Variants in CHD2 observed in about 807,000 individuals in gnomAD.
CHD2 encodes the protein ATP-dependent chromatin remodeler CHD2.
In CHD2, 28 loss-of-function variants were observed where a neutral mutation model predicts 243.9. The ratio of observed to expected loss-of-function variants is 0.11; its 90% confidence interval spans 0.09 to 0.16. The LOEUF (loss-of-function observed/expected upper bound fraction) is 0.16, where lower values mean the gene tolerates loss of function less well. Among genes scored for constraint, CHD2 ranks in the 10% least tolerant of loss-of-function variants. The pLI, the probability that CHD2 is intolerant of heterozygous loss-of-function variation, is 1.00. For missense variants in CHD2, 1,386 were observed against 2,209.8 expected, an observed-to-expected ratio of 0.63 and a Z score of 7.47; for synonymous variants, 775 against 779.0, an observed-to-expected ratio of 0.99 and a Z score of 0.09.
chr15:92,901,312 A>G lies in CHD2; in HGVS notation c.62+13A>G, dbSNP rs778561242. ...GCAATGCATCGAGGTATGAGCTATC[A>G]ACTTTCTTCCTTTTTGTCTTTTTTT... is the stretch of plus-strand genomic sequence containing the variant. On this transcript the variant is annotated intron_variant, in intron 2 of 38. Coordinates refer to ENST00000394196, the MANE Select transcript of CHD2 (RefSeq NM_001271.4). 2 of 1,578,156 alleles carry G rather than the reference A, an allele frequency of 1.3e-6. No homozygotes were observed. The highest frequency in any genetic ancestry group is 2.2e-5 in the East Asian group (1 of 44,482).
chr15:92,940,879 T>C (rs1179673899), intron 7 of CHD2, among the ~76,000 whole-genome samples: 1 of 93,286 alleles, frequency 1.1e-5, no homozygotes, highest in African/African-American at 3.2e-5. Flanking sequence ...AATATACATA[T>C]AAATATATAT....
intron 36 of CHD2, 44 bp downstream of exon 36, chr15:93,012,488 T>G: frequency 7.5e-7 from 1 of 1,337,778 alleles, no homozygotes; most frequent in Non-Finnish European, 1.0e-6. Flanking sequence ...CAAATACCAA[T>G]TCCACAGAAA....
intron 2 of CHD2, among the ~76,000 whole-genome samples, chr15:92,920,909 G>A (rs1262330244): frequency 6.6e-6 from 1 of 152,222 alleles, no homozygotes; most frequent in Non-Finnish European, 1.5e-5. Context: ...AGGTTGACAA[G>A]CGGCCAGATT....
At chr15:92,918,384 TTTG>T (rs1394015070) in intron 2 of CHD2, among the ~76,000 whole-genome samples, 2 of 152,236 alleles carry the variant, frequency 1.3e-5, no homozygotes, top group Non-Finnish European at 2.9e-5. Context: ...CTTTTAATTA[TTTG>T]TTAAGTAAAA....
rs2053393893 is a variant in CHD2, at chr15:92,942,273, T to C, written c.826+318T>C. Among the ~76,000 whole-genome samples the C allele has an allele frequency of 2.0e-5, 3 of 152,244 alleles. No homozygotes were observed. The South Asian group carries it at 6.2e-4, about 31-fold the overall frequency. Reference sequence around the variant, plus strand: ...TAAGCTCCTTGTGAAAATATCAAACTGGTTAAATAAATATTGTGGTAATAT... The same window carrying C: ...TAAGCTCCTTGTGAAAATATCAAACCGGTTAAATAAATATTGTGGTAATAT... On this transcript the variant is annotated intron_variant, in intron 8 of 38. Coordinates refer to ENST00000394196, the MANE Select transcript of CHD2 (RefSeq NM_001271.4).
chr15:92,927,117 A>G, intron 3 of CHD2, 127 bp from the exon 4 acceptor site: 1 of 683,890 alleles, frequency 1.5e-6, no homozygotes, highest in Non-Finnish European at 2.5e-6. Context: ...ATTGTCTCAT[A>G]AATAGAACTA....
chr15:93,027,811 T>C lies in CHD2; in HGVS notation c.*3106T>C, dbSNP rs928903362. 8 of 152,652 alleles carry C rather than the reference T, an allele frequency of 5.2e-5. No individual in the cohort carries two copies. The highest frequency in any genetic ancestry group is 8.8e-5 in the Non-Finnish European group (6 of 68,040). 9.5% of individuals were successfully genotyped at this position (152,652 alleles called of 1,614,324 possible). A position where few individuals can be genotyped will look rare whatever the true frequency, so the allele number is the denominator to read the frequency against. On this transcript the variant is annotated 3_prime_UTR_variant, in exon 39 of 39. Transcript: ENST00000394196. Reference sequence around the variant, plus strand: ...CAGATGGTTTTTCTTTATTGTAAAATTGTGGACTTTTAAAACCTGTTGACT... The same window carrying C: ...CAGATGGTTTTTCTTTATTGTAAAACTGTGGACTTTTAAAACCTGTTGACT...
intron 6 of CHD2, among the ~76,000 whole-genome samples, chr15:92,939,208 T>A (rs768674813): frequency 3.3e-4 from 50 of 152,218 alleles, no homozygotes; most frequent in Admixed American, 1.3e-4. Flanking sequence ...GTAAAACTGT[T>A]AATTCCTACA....
intron 38 of CHD2, 119 bp from the exon 39 acceptor site, chr15:93,024,253 A>G (rs2054566979): frequency 2.3e-6 from 2 of 862,034 alleles, no homozygotes; most frequent in African/African-American, 3.4e-5. Context: ...TTGATTCCTA[A>G]TAATGTGAGC....
chr15:92,990,073 C>T (rs1473587718), intron 26 of CHD2, among the ~76,000 whole-genome samples: 1 of 152,120 alleles, frequency 6.6e-6, no homozygotes, highest in Non-Finnish European at 1.5e-5. Context: ...TGTTTTTGAC[C>T]AATGAATTTT....
rs766588440 is a variant in CHD2, at chr15:92,939,584, G to T, written c.558G>T (p.Val186=). 1 of 1,613,746 alleles carries T rather than the reference G, an allele frequency of 6.2e-7. No individual in the cohort carries two copies. The highest frequency in any genetic ancestry group is 1.7e-5 in the Admixed American group (1 of 59,908). ...KARRPVPRRT[V]PKPRVKKQPK... is the part of the protein sequence containing the mutation. ...GTTTCTCTTCTCATTTTAGAACAGT[G>T]CCCAAACCTCGTGTTAAAAAGCAGC... Residue 186 remains valine, a synonymous_variant, in exon 7 of 39, where the codon GTG becomes GTT. Transcript: ENST00000394196.
At chr15:92,958,954 T>TA (rs750689548) in intron 16 of CHD2, among the ~76,000 whole-genome samples, 13 of 152,248 alleles carry the variant, frequency 8.5e-5, no homozygotes, top group Non-Finnish European at 1.5e-4. Context: ...GTTTTAAACT[T>TA]ACGATGGGTT....
intron 16 of CHD2, among the ~76,000 whole-genome samples, chr15:92,965,737 G>A (rs2053753354): frequency 6.6e-6 from 1 of 152,106 alleles, no homozygotes; most frequent in African/African-American, 2.4e-5. Context: ...CTCAGTGTGT[G>A]TAGATCAAGA....
At chr15:93,018,886 T>G (rs569184091) in intron 37 of CHD2, among the ~76,000 whole-genome samples, 2 of 152,342 alleles carry the variant, frequency 1.3e-5, no homozygotes, top group Admixed American at 6.5e-5. Flanking sequence ...ATTTTTAACT[T>G]AATTACATCT....
intron 28 of CHD2, 26 bp downstream of exon 28, chr15:92,993,024 C>A: frequency 6.2e-7 from 1 of 1,611,546 alleles, no homozygotes; most frequent in Non-Finnish European, 8.5e-7. Context: ...TTTAGTGAGT[C>A]TTCGCAACCT....
At chr15:92,985,428 C>T (rs150677479) in intron 25 of CHD2, 70 bp from the exon 26 acceptor site, 11 of 1,437,066 alleles carry the variant, frequency 7.7e-6, no homozygotes, top group Non-Finnish European at 7.5e-6. Flanking sequence ...TTAAGATGGC[C>T]TTCTCTTAGT....
intron 16 of CHD2, among the ~76,000 whole-genome samples, chr15:92,960,717 T>G (rs1458977822): frequency 3.5e-5 from 5 of 142,576 alleles, no homozygotes; most frequent in East Asian, 2.0e-4. Flanking sequence ...TTTTTTTTTT[T>G]TTTTTTTTTT....
At position 92,945,877 on chromosome 15, in the gene CHD2, A is replaced by G. The variant is rs1173430099; in HGVS notation, c.1198+12A>G. On this transcript the variant is annotated intron_variant, in intron 11 of 38. Coordinates refer to ENST00000394196, the MANE Select transcript of CHD2 (RefSeq NM_001271.4). ...AACAGATTTTCCAGGTAAGCAAGAAATTTTATTTATAAATGTTCTTCAACA... is the reference window on the plus strand; with the variant it reads ...AACAGATTTTCCAGGTAAGCAAGAAGTTTTATTTATAAATGTTCTTCAACA... 6.4e-6 allele frequency: 10 copies of G among 1,570,752 alleles called. No individual in the cohort carries two copies. The highest frequency in any genetic ancestry group is 8.7e-6 in the Non-Finnish European group (10 of 1,152,494).
intron 24 of CHD2, among the ~76,000 whole-genome samples, chr15:92,982,120 T>C (rs529472726): frequency 1.3e-5 from 2 of 152,212 alleles, no homozygotes; most frequent in East Asian, 3.9e-4. Context: ...TAGGGAGATA[T>C]TGAAGGTTCT....
Sources: gnomAD v4.1 joint callset for allele counts (sites outside exome capture counted in the v4.1 genomes callset) on GRCh38, gnomAD v4.1.1 for gene constraint, MANE v1.5 for transcripts, NCBI Gene and HGNC (gene_info 2026-07-23, HGNC 2026-07-21) for gene names.